The following DLGAP2 variants were observed in gnomAD, a reference collection of about 807,000 sequenced individuals.
DLGAP2 encodes the protein disks large-associated protein 2.
Under a neutral mutation model 100.3 loss-of-function variants are expected in DLGAP2, and 26 were observed. The ratio of observed to expected loss-of-function variants is 0.26; its 90% CI spans 0.19 to 0.36. The LOEUF is 0.36. Among genes scored for constraint, DLGAP2 ranks in the 10% least tolerant of loss-of-function variants. DLGAP2 has a pLI of 1.00. For synonymous variants in DLGAP2, 886 were observed against 630.1 expected, an observed-to-expected ratio of 1.41 and a Z score of -6.08; for missense variants, 1,858 against 1,453.2, an observed-to-expected ratio of 1.28 and a Z score of -4.53.
intron 3 of DLGAP2, among the ~76,000 whole-genome samples, chr8:1,331,147 G>A (rs933258824): frequency 9.2e-5 from 14 of 152,230 alleles, no homozygotes; most frequent in Non-Finnish European, 7.3e-5. Context: ...ATAATCAAAT[G>A]GCCGTCACAG....
intron 2 of DLGAP2, among the ~76,000 whole-genome samples, chr8:993,645 C>T (rs989379432): frequency 1.3e-5 from 2 of 152,188 alleles, no homozygotes; most frequent in African/African-American, 4.8e-5. Context: ...CAAGCGTCTC[C>T]TTCATGGGCG....
intron 4 of DLGAP2, among the ~76,000 whole-genome samples, chr8:1,537,489 G>C (rs772198268): frequency 1.3e-5 from 2 of 152,126 alleles, no homozygotes; most frequent in Admixed American, 6.5e-5. Flanking sequence ...CAGTCTCTCA[G>C]CTGCACCCCG....
chr8:1,698,622 C>CGCTGCATGGGACTAGACAGGT (rs1799474474), intron 14 of DLGAP2, among the ~76,000 whole-genome samples: 2 of 150,724 alleles, frequency 1.3e-5, no homozygotes, highest in African/African-American at 4.9e-5. Context: ...TCCATGTAAG[C>CGCTGCATGGGACTAGACAGGT]CCTGCATGGG....
chr8:1,235,833 G>C (rs1339696114), intron 2 of DLGAP2, among the ~76,000 whole-genome samples: 13 of 5,888 alleles, frequency 2.2e-3, no homozygotes, highest in East Asian at 0.01. Context: ...GTCCAGTTCT[G>C]TCACATGGCT....
chr8:780,384 C>G (rs1332270283), intron 1 of DLGAP2, among the ~76,000 whole-genome samples: 1 of 152,202 alleles, frequency 6.6e-6, no homozygotes, highest in Admixed American at 6.5e-5. Context: ...CCTTATTCAT[C>G]CATTGACAGA....
intron 3 of DLGAP2, among the ~76,000 whole-genome samples, chr8:1,345,898 C>T (rs1361692199): frequency 6.6e-6 from 1 of 152,162 alleles, no homozygotes; most frequent in African/African-American, 2.4e-5. Flanking sequence ...AGGAAGCAAA[C>T]TCGGGGACGT....
rs189201928 is a variant in DLGAP2, at chr8:1,476,756, A to T, written c.107-24610A>T. 1.4e-4 allele frequency among the ~76,000 whole-genome samples: 21 copies of T among 147,916 alleles called. No homozygotes were observed. In the East Asian group the frequency reaches 3.8e-3, roughly 27 times the overall value. On this transcript the variant is annotated intron_variant, in intron 3 of 14. Coordinates refer to ENST00000637795, the MANE Select transcript of DLGAP2 (RefSeq NM_001346810.2). The stretch of plus-strand genomic sequence containing the variant: ...AGCCCGTTCTGCAGACCCACCCTTG[A>T]TGGCCGAGTGCTGTCGGCCACCCAC...
At chr8:886,021 G>C (rs528855738) in intron 1 of DLGAP2, among the ~76,000 whole-genome samples, 5 of 152,114 alleles carry the variant, frequency 3.3e-5, no homozygotes, top group African/African-American at 9.7e-5. Flanking sequence ...CTGTGAATCC[G>C]TCTGGTCCTG....
At chr8:797,681 G>T (rs1488480769) in intron 1 of DLGAP2, among the ~76,000 whole-genome samples, 1 of 152,180 alleles carries the variant, frequency 6.6e-6, no homozygotes, top group Non-Finnish European at 1.5e-5. Context: ...AGGCAGGGCT[G>T]GGAGCTCCTG....
chr8:1,695,149 C>T (rs908193161), intron 13 of DLGAP2, among the ~76,000 whole-genome samples: 33 of 152,346 alleles, frequency 2.2e-4, no homozygotes, highest in African/African-American at 5.8e-4. Flanking sequence ...CACCCAGCTG[C>T]GGGCGAGGGA....
chr8:1,250,050 T>C (rs1384292288), intron 2 of DLGAP2, among the ~76,000 whole-genome samples: 1 of 152,030 alleles, frequency 6.6e-6, no homozygotes, highest in African/African-American at 2.4e-5. Flanking sequence ...CCGGCTAATT[T>C]TTGTATTTTT....
At chr8:912,240 G>C (rs1465409251) in intron 2 of DLGAP2, among the ~76,000 whole-genome samples, 2 of 152,148 alleles carry the variant, frequency 1.3e-5, no homozygotes, top group Non-Finnish European at 2.9e-5. Context: ...TACTATGTTT[G>C]GTTTTTGAGA....
chr8:1,153,522 T>C (rs1245902866), intron 2 of DLGAP2, among the ~76,000 whole-genome samples: 3 of 152,200 alleles, frequency 2.0e-5, no homozygotes, highest in East Asian at 3.9e-4. Context: ...ATTCTACCAA[T>C]GTTGATGTAT....
intron 2 of DLGAP2, among the ~76,000 whole-genome samples, chr8:1,109,429 A>G (rs1162587277): frequency 2.8e-4 from 3 of 10,680 alleles, no homozygotes. Flanking sequence ...GCACGTGCCT[A>G]TGAAGTGTGC....
chr8:1,414,434 G>C (rs919546051), intron 3 of DLGAP2, among the ~76,000 whole-genome samples: 2 of 152,250 alleles, frequency 1.3e-5, no homozygotes, highest in African/African-American at 4.8e-5. Context: ...AGCCGGTCAA[G>C]TGTGGGAGGC....
chr8:1,347,769 C>T (rs1801600284), intron 3 of DLGAP2, among the ~76,000 whole-genome samples: 1 of 151,890 alleles, frequency 6.6e-6, no homozygotes. Context: ...AGCTACATTG[C>T]ACTCATGGTA....
intron 6 of DLGAP2, among the ~76,000 whole-genome samples, chr8:1,575,373 TGGA>T (rs1317075755): frequency 1.3e-5 from 2 of 151,894 alleles, no homozygotes; most frequent in African/African-American, 4.8e-5. Context: ...GACAGTGGAA[TGGA>T]GGTTACAGAA....
At chr8:1,055,280 G>A (rs534703973) in intron 2 of DLGAP2, among the ~76,000 whole-genome samples, 9 of 152,310 alleles carry the variant, frequency 5.9e-5, no homozygotes, top group African/African-American at 2.2e-4. Flanking sequence ...CAGAAGATGA[G>A]TGCATTAAGA....
intron 1 of DLGAP2, among the ~76,000 whole-genome samples, chr8:788,340 A>G (rs1043965452): frequency 6.6e-6 from 1 of 152,082 alleles, no homozygotes; most frequent in African/African-American, 2.4e-5. Flanking sequence ...CTGTGTTCAC[A>G]TGGTCTGGTC....
Sources: allele counts gnomAD v4.1 joint callset (sites outside exome capture counted in the v4.1 genomes callset), GRCh38; gene constraint gnomAD v4.1.1; transcripts MANE v1.5; gene names NCBI Gene and HGNC (gene_info 2026-07-23, HGNC 2026-07-21).